NRG1: variants seen among roughly 807,000 people sequenced by gnomAD.
NRG1 encodes the protein pro-neuregulin-1, membrane-bound isoform.
NRG1 carries 18 observed loss-of-function variants against 63.8 expected under a neutral mutation model. That is an observed-to-expected ratio of 0.28 (90% CI 0.19 to 0.42). NRG1 has a LOEUF of 0.42. NRG1 is among the 10% of genes least tolerant of loss of function. The pLI is 1.00. For missense variants in NRG1, 762 were observed against 814.7 expected, an observed-to-expected ratio of 0.94 and a Z score of 0.79; for synonymous variants, 302 against 301.3, an observed-to-expected ratio of 1.00 and a Z score of -0.02.
At chr8:31,947,736 G>T (rs145214852) in intron 1 of NRG1, among the ~76,000 whole-genome samples, 1,581 of 151,998 alleles carry the variant, frequency 0.01, 26 homozygotes, top group African/African-American at 0.036. Flanking sequence ...CTGAGCTCAA[G>T]AGTTCAAGAC....
At chr8:32,495,336 C>G (rs1226870978) in intron 1 of NRG1, among the ~76,000 whole-genome samples, 4 of 152,214 alleles carry the variant, frequency 2.6e-5, no homozygotes, top group Non-Finnish European at 5.9e-5. Context: ...TTGCCTGCCA[C>G]CATGTAAGAC....
At chr8:32,174,485 G>C (rs1840459152) in intron 1 of NRG1, among the ~76,000 whole-genome samples, 1 of 152,090 alleles carries the variant, frequency 6.6e-6, no homozygotes, top group South Asian at 2.1e-4. Context: ...ACTAAGATCA[G>C]AGCAGAACTG....
intron 1 of NRG1, among the ~76,000 whole-genome samples, chr8:32,407,809 A>G (rs543227950): frequency 3.3e-5 from 5 of 152,274 alleles, no homozygotes; most frequent in Admixed American, 6.5e-5. Flanking sequence ...AAGCACTATG[A>G]TTTTTTAAAA....
chr8:32,551,628 A>C (rs1221439274), intron 1 of NRG1, among the ~76,000 whole-genome samples: 2 of 152,166 alleles, frequency 1.3e-5, no homozygotes, highest in Admixed American at 6.5e-5. Flanking sequence ...CAATTAACTA[A>C]ATGTTGAATT....
intron 1 of NRG1, among the ~76,000 whole-genome samples, chr8:32,421,140 C>T (rs1411055867): frequency 6.6e-6 from 1 of 152,120 alleles, no homozygotes; most frequent in Non-Finnish European, 1.5e-5. Context: ...GACTAATACA[C>T]TCATCTTTTG....
intron 1 of NRG1, among the ~76,000 whole-genome samples, chr8:31,952,282 A>C (rs1803597019): frequency 6.6e-6 from 1 of 152,222 alleles, no homozygotes; most frequent in Non-Finnish European, 1.5e-5. Flanking sequence ...ATGGGCGTGT[A>C]AAGAACTTAT....
intron 11 of NRG1, chr8:32,760,640 G>A (rs1310729162): frequency 2.3e-6 from 3 of 1,322,884 alleles, no homozygotes; most frequent in African/African-American, 3.0e-5. Flanking sequence ...AAAGAGCTGG[G>A]ATGCTTTGAT....
chr8:31,674,505 G>A (rs923971873), intron 1 of NRG1, among the ~76,000 whole-genome samples: 3 of 151,336 alleles, frequency 2.0e-5, no homozygotes, highest in African/African-American at 7.3e-5. Flanking sequence ...GTGAAACACA[G>A]TATATTTTAT....
At chr8:32,597,562 TA>T (rs921172789) in intron 2 of NRG1, among the ~76,000 whole-genome samples, 15 of 152,218 alleles carry the variant, frequency 9.9e-5, no homozygotes, top group African/African-American at 3.6e-4. Flanking sequence ...CTAATATTAC[TA>T]ATTTTTTTTA....
chr8:31,802,854 A>G (rs1002613393), intron 1 of NRG1, among the ~76,000 whole-genome samples: 40 of 152,242 alleles, frequency 2.6e-4, no homozygotes, highest in African/African-American at 9.6e-4. Context: ...TGGACTTTGT[A>G]GAATATCAAA....
chr8:32,537,299 C>T (rs1019838684), intron 1 of NRG1, among the ~76,000 whole-genome samples: 23 of 151,368 alleles, frequency 1.5e-4, no homozygotes, highest in African/African-American at 5.1e-4. Flanking sequence ...CCTTCTGCTG[C>T]CCCCCAACTG....
intron 1 of NRG1, among the ~76,000 whole-genome samples, chr8:31,801,559 A>G (rs1336823672): frequency 6.6e-6 from 1 of 152,180 alleles, no homozygotes; most frequent in Non-Finnish European, 1.5e-5. Context: ...ACACAGAAAC[A>G]TTAGTTAGAA....
chr8:32,724,527 G>A (rs980967997), intron 5 of NRG1, among the ~76,000 whole-genome samples: 1 of 152,158 alleles, frequency 6.6e-6, no homozygotes, highest in Admixed American at 6.5e-5. Flanking sequence ...GTACGGCACA[G>A]AGAAAAAATA....
At chr8:32,422,330 C>G (rs1450299954) in intron 1 of NRG1, among the ~76,000 whole-genome samples, 1 of 152,086 alleles carries the variant, frequency 6.6e-6, no homozygotes, top group African/African-American at 2.4e-5. Context: ...TTCTAACATA[C>G]TCCTCACAAA....
At chr8:32,488,754 C>T (rs768460561) in intron 1 of NRG1, among the ~76,000 whole-genome samples, 1 of 152,148 alleles carries the variant, frequency 6.6e-6, no homozygotes, top group African/African-American at 2.4e-5. Flanking sequence ...AATGGAGAGA[C>T]AGTGGGTGGA....
At chr8:32,042,408 T>A (rs1820207111) in intron 1 of NRG1, among the ~76,000 whole-genome samples, 1 of 152,004 alleles carries the variant, frequency 6.6e-6, no homozygotes, top group African/African-American at 2.4e-5. Context: ...AGCACATCAC[T>A]GCACTCCAGC....
At chr8:31,790,535 G>A (rs1820600580) in intron 1 of NRG1, among the ~76,000 whole-genome samples, 1 of 152,140 alleles carries the variant, frequency 6.6e-6, no homozygotes, top group African/African-American at 2.4e-5. Context: ...ATCTGTGAAG[G>A]AGTTACACAA....
In NRG1 at chr8:32,742,723, C is replaced by G. The variant is rs1420133832; in HGVS notation, c.681C>G (p.Ala227=). The G allele has an allele frequency of 1.2e-6, 2 of 1,613,656 alleles. No homozygotes were observed. Among genetic ancestry groups the G allele is most frequent in the African/African-American group, 1.3e-5 (1 of 74,962 alleles). Residue 227 remains alanine, a synonymous_variant, in exon 7 of 12, where the codon GCC becomes GCG. Coordinates refer to ENST00000356819, the Ensembl canonical transcript of NRG1. This position sits in a 1 kb window ranked among gnomAD's most constrained non-coding sequence, Gnocchi z 4.2. ...ATCGCTGCCAAAACTACGTAATGGC[C>G]AGCTTCTACAGTACGTCCACTCCCT...
intron 5 of NRG1, among the ~76,000 whole-genome samples, chr8:32,681,316 T>C (rs1456357702): frequency 6.6e-5 from 10 of 152,148 alleles, no homozygotes. Context: ...CAAAAGGTTC[T>C]TTACGTGTTC....
Sources: allele counts gnomAD v4.1 joint callset (sites outside exome capture counted in the v4.1 genomes callset), GRCh38; gene constraint gnomAD v4.1.1; non-coding constraint Gnocchi (gnomAD v3.1); transcripts MANE v1.5; gene names NCBI Gene and HGNC (gene_info 2026-07-23, HGNC 2026-07-21).